Variants in OLFM3 observed in about 807,000 individuals in gnomAD.
The protein encoded by OLFM3 is noelin-3.
Under a neutral mutation model 48.6 loss-of-function variants are expected in OLFM3, and 20 were observed. That is an observed-to-expected ratio of 0.41 (90% CI 0.29 to 0.60). The LOEUF (loss-of-function observed/expected upper bound fraction) is 0.60, where lower values mean the gene tolerates loss of function less well. Ranked by LOEUF, OLFM3 falls within the 20% of genes least tolerant of loss-of-function variation. The probability of loss-of-function intolerance (pLI) is 0.28; values close to 1 mark genes in which losing one functional copy is unlikely to be tolerated. For synonymous variants in OLFM3, 222 were observed against 198.1 expected, an observed-to-expected ratio of 1.12 and a Z score of -1.01; for missense variants, 437 against 544.3, an observed-to-expected ratio of 0.80 and a Z score of 1.96.
At chr1:101,831,585 G>C (rs1169428447) in intron 2 of OLFM3, among the ~76,000 whole-genome samples, 1 of 152,140 alleles carries the variant, frequency 6.6e-6, no homozygotes. Flanking sequence ...TGAAAACAAA[G>C]AGAAAGCATC....
chr1:101,981,979 G>T (rs1661117706), intron 1 of OLFM3, among the ~76,000 whole-genome samples: 1 of 152,126 alleles, frequency 6.6e-6, no homozygotes, highest in Non-Finnish European at 1.5e-5. Flanking sequence ...ATTACTTTTA[G>T]CCCAAGATGA....
chr1:101,838,475 T>C (rs1655545215), intron 1 of OLFM3, among the ~76,000 whole-genome samples: 1 of 152,210 alleles, frequency 6.6e-6, no homozygotes, highest in Non-Finnish European at 1.5e-5. Flanking sequence ...ATCAATAGAC[T>C]TCCAAATAAT....
chr1:101,823,387 T>A (rs1374481732), intron 4 of OLFM3, among the ~76,000 whole-genome samples: 1 of 152,030 alleles, frequency 6.6e-6, no homozygotes, highest in Non-Finnish European at 1.5e-5. Flanking sequence ...TTATCACATG[T>A]GGCAGGTGAA....
At chr1:101,812,972 A>G (rs1227131826) in intron 4 of OLFM3, 6 of 1,023,480 alleles carry the variant, frequency 5.9e-6, no homozygotes, top group Non-Finnish European at 7.2e-6. Context: ...TAATTAATTT[A>G]TTCATTTGAC....
chr1:101,919,917 T>C (rs1659042512), intron 1 of OLFM3, among the ~76,000 whole-genome samples: 1 of 152,200 alleles, frequency 6.6e-6, no homozygotes. Context: ...ATTGCACAAG[T>C]AATGTTCTCT....
chr1:101,829,573 C>G (rs1245098538), intron 3 of OLFM3, among the ~76,000 whole-genome samples: 1 of 152,200 alleles, frequency 6.6e-6, no homozygotes, highest in East Asian at 1.9e-4. Context: ...ATGTGTTATG[C>G]AGAGACTCGG....
intron 1 of OLFM3, among the ~76,000 whole-genome samples, chr1:101,868,470 G>A (rs1378682386): frequency 6.6e-6 from 1 of 152,186 alleles, no homozygotes; most frequent in Non-Finnish European, 1.5e-5. Context: ...AAGATCTGTG[G>A]AATTTTTAAC....
intron 1 of OLFM3, among the ~76,000 whole-genome samples, chr1:101,922,284 G>T (rs148204474): frequency 6.6e-6 from 1 of 152,200 alleles, no homozygotes; most frequent in Non-Finnish European, 1.5e-5. Context: ...CATGTAAAGC[G>T]CTTTAGTTTA....
At chr1:101,931,625 T>G (rs543301668) in intron 1 of OLFM3, among the ~76,000 whole-genome samples, 11 of 152,308 alleles carry the variant, frequency 7.2e-5, no homozygotes, top group Admixed American at 6.5e-4. Flanking sequence ...AGGGTGCCCA[T>G]AGCTATACTG....
chr1:101,950,478 G>T (rs1384464567), intron 1 of OLFM3, among the ~76,000 whole-genome samples: 4 of 145,796 alleles, frequency 2.7e-5, no homozygotes, highest in African/African-American at 1.0e-4. Context: ...TCGCTCTGTC[G>T]CCCAGGCTGG....
chr1:101,972,155 C>T (rs564730512), intron 1 of OLFM3, among the ~76,000 whole-genome samples: 43 of 152,194 alleles, frequency 2.8e-4, no homozygotes, highest in African/African-American at 1.0e-3. Context: ...CTGCTTTCAT[C>T]TTCCTTTGTG....
intron 4 of OLFM3, among the ~76,000 whole-genome samples, chr1:101,819,341 A>G (rs1654490297): frequency 6.6e-6 from 1 of 152,156 alleles, no homozygotes; most frequent in Non-Finnish European, 1.5e-5. Context: ...CAAAGCATGC[A>G]AAGGTGTTTG....
At position 101,893,087 on chromosome 1, in the gene OLFM3, A is replaced by T. The variant is rs137983447; in HGVS notation, c.70-56062T>A. The T allele has an allele frequency of 7.1e-4, 119 of 168,726 alleles. 2 individuals carry two copies. The East Asian group carries it at 0.021, about 30-fold the overall frequency. The allele number at this position is 168,726 out of a possible 1,614,324, so 10.5% of individuals were successfully genotyped here. A position where few individuals can be genotyped will look rare whatever the true frequency, so the allele number is the denominator to read the frequency against. ...AGGATTTTTAATGCACCTGTGAGCCAATTTTTGGTTTCTGAAGAGGAGGAA... is the reference window on the plus strand; with the variant it reads ...AGGATTTTTAATGCACCTGTGAGCCTATTTTTGGTTTCTGAAGAGGAGGAA... On this transcript the variant is annotated intron_variant, in intron 1 of 5. Transcript: ENST00000370103.
intron 1 of OLFM3, among the ~76,000 whole-genome samples, chr1:101,992,638 G>C (rs1287013813): frequency 7.0e-6 from 1 of 142,862 alleles, no homozygotes; most frequent in South Asian, 2.2e-4. Context: ...TTTTTTTTTT[G>C]GCTTTTTCTC....
chr1:101,979,099 G>A (rs1318166043), intron 1 of OLFM3, among the ~76,000 whole-genome samples: 1 of 152,100 alleles, frequency 6.6e-6, no homozygotes, highest in Non-Finnish European at 1.5e-5. Context: ...TTGTGGGGGG[G>A]CATGCAGAAA....
chr1:101,839,617 C>G (rs1557697347), intron 1 of OLFM3, among the ~76,000 whole-genome samples: 1 of 152,120 alleles, frequency 6.6e-6, no homozygotes, highest in Admixed American at 6.5e-5. Flanking sequence ...AACAGCAGTC[C>G]AAACACTGAT....
At position 101,804,241 on chromosome 1, in the gene OLFM3, T is replaced by G. The variant is rs767971954; in HGVS notation, c.1374A>C (p.Thr458=). The change falls in exon 6 of 6, where the codon ACA becomes ACC. Residue 458 remains threonine, a synonymous_variant. Coordinates refer to ENST00000370103, the MANE Select transcript of OLFM3 (RefSeq NM_058170.4). The surrounding 1 kb of genome is among the most constrained non-coding windows in gnomAD (Gnocchi z 4.5). The stretch of plus-strand genomic sequence containing the variant: ...AATGAAAACATGTCACATTTGCCTA[T>G]GTGTCATCCTCTGTCTTGATGATAT... ...LFHIIKTEDD[T] The G allele has an allele frequency of 3.8e-6, 6 of 1,575,494 alleles. No individual in the cohort carries two copies. The highest frequency in any genetic ancestry group is 1.2e-5 in the South Asian group (1 of 83,986).
At chr1:101,932,141 A>T (rs1659463542) in intron 1 of OLFM3, among the ~76,000 whole-genome samples, 1 of 152,102 alleles carries the variant, frequency 6.6e-6, no homozygotes, top group African/African-American at 2.4e-5. Flanking sequence ...GAAATACTAT[A>T]TTCTCTGTAT....
chr1:101,822,636 A>G (rs1344442176), intron 4 of OLFM3, among the ~76,000 whole-genome samples: 1 of 152,140 alleles, frequency 6.6e-6, no homozygotes, highest in East Asian at 1.9e-4. Flanking sequence ...ATGCATCTGG[A>G]TATTTCTTTG....
Sources: allele counts gnomAD v4.1 joint callset (sites outside exome capture counted in the v4.1 genomes callset), GRCh38; gene constraint gnomAD v4.1.1; non-coding constraint Gnocchi (gnomAD v3.1); transcripts MANE v1.5; gene names NCBI Gene and HGNC (gene_info 2026-07-23, HGNC 2026-07-21).